Variants in UBE2G1 observed in about 807,000 individuals in gnomAD.
The protein encoded by UBE2G1 is ubiquitin-conjugating enzyme E2 G1.
UBE2G1 carries 5 observed loss-of-function variants against 22.7 expected under a neutral mutation model. The observed-to-expected ratio is 0.22, with a 90% confidence interval of 0.12 to 0.46. UBE2G1 has a LOEUF of 0.46. UBE2G1 is among the 20% of genes least tolerant of loss of function. UBE2G1 has a pLI of 0.99. For missense variants in UBE2G1, 88 were observed against 203.9 expected (o/e 0.43, Z 3.46); for synonymous variants, 74 against 67.5 (o/e 1.10, Z -0.47).
intron 2 of UBE2G1, among the ~76,000 whole-genome samples, chr17:4,300,087 C>CA (rs1555520688): frequency 5.5e-5 from 8 of 146,552 alleles, no homozygotes; most frequent in Non-Finnish European, 1.2e-4. Flanking sequence ...GGCCTACCTG[C>CA]TTTTTTTTTT....
intron 1 of UBE2G1, among the ~76,000 whole-genome samples, chr17:4,337,483 ACT>A (rs1282569081): frequency 6.6e-6 from 1 of 151,548 alleles, no homozygotes; most frequent in African/African-American, 2.4e-5. Context: ...TGAAACCCTG[ACT>A]CTACTAAAAA....
At chr17:4,272,964 A>G (rs1968778168) in intron 5 of UBE2G1, among the ~76,000 whole-genome samples, 1 of 152,264 alleles carries the variant, frequency 6.6e-6, no homozygotes, top group Admixed American at 6.5e-5. Context: ...GAGGATGTTC[A>G]GAGAAACAAC....
At position 4,350,078 on chromosome 17, in the gene UBE2G1, T is replaced by C. The variant is rs1372085310; in HGVS notation, c.46+16193A>G. Among the ~76,000 whole-genome samples the C allele has an allele frequency of 2.0e-5, 3 of 152,124 alleles. No homozygotes were observed. The East Asian group carries it at 5.8e-4, about 29-fold the overall frequency. On this transcript the variant is annotated intron_variant, in intron 1 of 5. Coordinates refer to ENST00000396981, the MANE Select transcript of UBE2G1 (RefSeq NM_003342.5). ...GTTGGGATTACAGAAGTTAAGTCAC[T>C]GCACCCAGCGCTTAAAACTTTTTCA...
At chr17:4,310,110 T>C (rs1282630364) in intron 1 of UBE2G1, among the ~76,000 whole-genome samples, 43 of 152,206 alleles carry the variant, frequency 2.8e-4, no homozygotes, top group Admixed American at 2.8e-3. Context: ...GCTTAATCCA[T>C]TTAAAGTGAT....
intron 1 of UBE2G1, among the ~76,000 whole-genome samples, chr17:4,312,364 A>G (rs1969319793): frequency 6.6e-6 from 1 of 152,168 alleles, no homozygotes; most frequent in African/African-American, 2.4e-5. Context: ...CAGGGGATGT[A>G]ACCGAATGAA....
rs1221874456 is a variant in UBE2G1 at position 4,338,509 on chromosome 17, T to C, written c.46+27762A>G. Reference sequence around the variant, plus strand: ...CTCCAAATACCAGTCCCAGACATTTTCATAGTAAGTAAAGGTAATTTCAAA... The same window carrying C: ...CTCCAAATACCAGTCCCAGACATTTCCATAGTAAGTAAAGGTAATTTCAAA... On this transcript the variant is annotated intron_variant, in intron 1 of 5. Coordinates refer to ENST00000396981, the MANE Select transcript of UBE2G1 (RefSeq NM_003342.5). Among the ~76,000 whole-genome samples the C allele has an allele frequency of 2.0e-5, 3 of 152,340 alleles. No homozygotes were observed. The East Asian group carries it at 5.8e-4, about 29-fold the overall frequency.
At chr17:4,342,471 T>C (rs1311346636) in intron 1 of UBE2G1, among the ~76,000 whole-genome samples, 1 of 152,212 alleles carries the variant, frequency 6.6e-6, no homozygotes, top group Admixed American at 6.5e-5. Flanking sequence ...TGCATGCCTA[T>C]GGTCCCAGCT....
At chr17:4,295,651 A>G (rs1483323529) in intron 3 of UBE2G1, among the ~76,000 whole-genome samples, 2 of 152,198 alleles carry the variant, frequency 1.3e-5, no homozygotes, top group Admixed American at 6.5e-5. Flanking sequence ...AAATAATTAG[A>G]AAAGAAATCT....
chr17:4,294,415 CAAAAAA>C (rs68047533), intron 3 of UBE2G1, among the ~76,000 whole-genome samples: 4 of 117,178 alleles, frequency 3.4e-5, no homozygotes, highest in African/African-American at 1.8e-4. Flanking sequence ...GACTCCGTCT[CAAAAAA>C]AAAAAAAAAA....
chr17:4,300,157 T>C (rs929831559), intron 2 of UBE2G1, among the ~76,000 whole-genome samples: 1 of 151,978 alleles, frequency 6.6e-6, no homozygotes, highest in Non-Finnish European at 1.5e-5. Context: ...GCAGCCAAGT[T>C]AGCAAAGAGA....
At chr17:4,332,629 C>G (rs1969591932) in intron 1 of UBE2G1, among the ~76,000 whole-genome samples, 1 of 152,180 alleles carries the variant, frequency 6.6e-6, no homozygotes, top group Non-Finnish European at 1.5e-5. Context: ...GGGGCTTTAA[C>G]CAGCATCTCT....
chr17:4,329,437 G>A (rs1969542673), intron 1 of UBE2G1, among the ~76,000 whole-genome samples: 1 of 150,458 alleles, frequency 6.6e-6, no homozygotes, highest in African/African-American at 2.4e-5. Context: ...ATGTGTCTGT[G>A]GTCTCAACTA....
At chr17:4,280,602 G>A (rs952675236) in intron 5 of UBE2G1, among the ~76,000 whole-genome samples, 2 of 150,992 alleles carry the variant, frequency 1.3e-5, no homozygotes, top group Non-Finnish European at 2.9e-5. Context: ...CTCCCAAAAT[G>A]CTGGGTTACA....
Position 4,366,400 on chromosome 17 carries a change from C to T in UBE2G1, c.-84G>A, listed in dbSNP as rs1970036189. 4.4e-5 allele frequency: 58 copies of T among 1,322,398 alleles called. No individual in the cohort carries two copies. Among genetic ancestry groups the T allele is most frequent in the Non-Finnish European group, 5.4e-5 (55 of 1,025,512 alleles). The allele number at this position is 1,322,398 out of a possible 1,614,324, so 81.9% of individuals were successfully genotyped here. On this transcript the variant is annotated 5_prime_UTR_variant, in exon 1 of 6. Coordinates refer to ENST00000396981, the MANE Select transcript of UBE2G1 (RefSeq NM_003342.5). ...TGGGGGCGGCTGGAGCGGGGTGTGC[C>T]GAGGAACCCGGGCCCCGCGACCGGA...
chr17:4,351,989 A>G (rs1969850520), intron 1 of UBE2G1, among the ~76,000 whole-genome samples: 1 of 152,136 alleles, frequency 6.6e-6, no homozygotes, highest in African/African-American at 2.4e-5. Flanking sequence ...GGTCTTGGCC[A>G]GGTGCAGTGG....
intron 1 of UBE2G1, among the ~76,000 whole-genome samples, chr17:4,333,150 T>G (rs1969600480): frequency 6.6e-6 from 1 of 152,082 alleles, no homozygotes; most frequent in Admixed American, 6.6e-5. Context: ...GAAATTTGGG[T>G]AGGAATTTTG....
intron 1 of UBE2G1, among the ~76,000 whole-genome samples, chr17:4,328,871 G>C (rs978379483): frequency 2.0e-5 from 3 of 152,164 alleles, no homozygotes; most frequent in Admixed American, 6.5e-5. Flanking sequence ...CAGATCACGA[G>C]GTCAGGAGAT....
intron 1 of UBE2G1, among the ~76,000 whole-genome samples, chr17:4,337,295 C>T (rs1969658799): frequency 1.4e-5 from 2 of 138,434 alleles, no homozygotes; most frequent in Admixed American, 7.6e-5. Flanking sequence ...GAGTCGTGTT[C>T]ATGCCACTAC....
intron 1 of UBE2G1, among the ~76,000 whole-genome samples, chr17:4,342,130 G>C (rs1216469412): frequency 6.6e-6 from 1 of 152,174 alleles, no homozygotes; most frequent in Non-Finnish European, 1.5e-5. Context: ...AATATAGTAA[G>C]CTGCCTATGT....
Sources: gnomAD v4.1 joint callset for allele counts (sites outside exome capture counted in the v4.1 genomes callset) on GRCh38, gnomAD v4.1.1 for gene constraint, MANE v1.5 for transcripts, NCBI Gene and HGNC (gene_info 2026-07-23, HGNC 2026-07-21) for gene names.